The following AGAP1 variants were observed in gnomAD, a reference collection of about 807,000 sequenced individuals.
AGAP1 encodes the protein ArfGAP with GTPase domain, ankyrin repeat and PH domain 1.
A neutral mutation model predicts 105.3 loss-of-function variants in AGAP1; 29 were observed. That is an observed-to-expected ratio of 0.28 (90% CI 0.21 to 0.38). The LOEUF (loss-of-function observed/expected upper bound fraction) is 0.38, where lower values mean the gene tolerates loss of function less well. Ranked by LOEUF, AGAP1 falls within the 10% of genes least tolerant of loss-of-function variation. The pLI is 1.00. For missense variants in AGAP1, 998 were observed against 1,165.1 expected (o/e 0.86, Z 2.09); for synonymous variants, 509 against 485.9 (o/e 1.05, Z -0.63).
chr2:235,711,177 G>A (rs569592618), intron 2 of AGAP1, among the ~76,000 whole-genome samples: 1 of 152,366 alleles, frequency 6.6e-6, no homozygotes, highest in African/African-American at 2.4e-5. Flanking sequence ...TTGAGTGATT[G>A]AAACGTGGCC....
Position 236,098,620 on chromosome 2 carries a change from C to CTTTTTTTT in AGAP1, c.2115-21560_2115-21553dup, listed in dbSNP as rs34419216. On this transcript the variant is annotated intron_variant, in intron 16 of 17. Transcript: ENST00000304032. Reference sequence around the variant, plus strand: ...GCTGACTTGATGAAATCTTTTTTTCCTTTTTTTTTTTTTTTTTTTAGAGAA... The same window carrying CTTTTTTTT: ...GCTGACTTGATGAAATCTTTTTTTCCTTTTTTTTTTTTTTTTTTTTTTTTTTTAGAGAA... 2.5e-3 allele frequency among the ~76,000 whole-genome samples: 288 copies of CTTTTTTTT among 115,214 alleles called. 20 individuals are homozygous for CTTTTTTTT. The highest frequency in any genetic ancestry group is 0.01 in the African/African-American group (259 of 25,770). The allele number at this position is 115,214 out of a possible 152,430, so 75.6% of individuals were successfully genotyped here.
At chr2:236,029,387 T>G (rs1334863074) in intron 13 of AGAP1, among the ~76,000 whole-genome samples, 1 of 151,642 alleles carries the variant, frequency 6.6e-6, no homozygotes, top group Non-Finnish European at 1.5e-5. Flanking sequence ...GTGATTCTCC[T>G]GCCTCAGCCT....
At chr2:235,861,293 G>A (rs2048919043) in intron 9 of AGAP1, among the ~76,000 whole-genome samples, 2 of 152,154 alleles carry the variant, frequency 1.3e-5, no homozygotes, top group Non-Finnish European at 1.5e-5. Context: ...TGGCACTTGG[G>A]AACTTGGGAG....
chr2:236,030,202 G>A (rs1401692147), intron 13 of AGAP1, among the ~76,000 whole-genome samples: 1 of 152,120 alleles, frequency 6.6e-6, no homozygotes, highest in African/African-American at 2.4e-5. Context: ...CTCTAGAGAC[G>A]GGGTCTCACC....
intron 11 of AGAP1, among the ~76,000 whole-genome samples, chr2:235,926,305 G>A (rs760230160): frequency 1.3e-5 from 2 of 152,172 alleles, no homozygotes; most frequent in African/African-American, 2.4e-5. Flanking sequence ...TTTCTTTGAC[G>A]GGTGGATTTA....
rs1422858183 is a variant in AGAP1 at position 235,919,716 on chromosome 2, A to G, written c.1324+10810A>G. On this transcript the variant is annotated intron_variant, in intron 11 of 17. Transcript: ENST00000304032. The surrounding 1 kb of genome is among the most constrained non-coding windows in gnomAD (Gnocchi z 4.1). ...AATGAATTTCATGTTAAAAACACAC[A>G]CACACACACCTGTTGCATTTATCAT... is the stretch of plus-strand genomic sequence containing the variant. Among the ~76,000 whole-genome samples, 1 of 152,230 alleles carries G rather than the reference A, an allele frequency of 6.6e-6. No individual in the cohort carries two copies. Among genetic ancestry groups the G allele is most frequent in the Non-Finnish European group, 1.5e-5 (1 of 68,036 alleles).
At chr2:235,502,700 CTTTTT>C (rs5839594) in intron 1 of AGAP1, among the ~76,000 whole-genome samples, 2 of 110,994 alleles carry the variant, frequency 1.8e-5, no homozygotes, top group Admixed American at 9.7e-5. Context: ...TTTTATTTGC[CTTTTT>C]TTTTTTTTTT....
In AGAP1 at chr2:235,734,134, A is replaced by T. The variant is rs1952104249; in HGVS notation, c.311-6829A>T. On this transcript the variant is annotated intron_variant, in intron 3 of 17. Coordinates refer to ENST00000304032, the MANE Select transcript of AGAP1 (RefSeq NM_001037131.3). This position sits in a 1 kb window ranked among gnomAD's most constrained non-coding sequence, Gnocchi z 5.3. ...GCTGATTGTCCTTTTCAAGGTATCC[A>T]TCTCATCCCACTTGTTAAAAATAAT... Among the ~76,000 whole-genome samples, 1 of 152,250 alleles carries T rather than the reference A, an allele frequency of 6.6e-6. No homozygotes were observed. The highest frequency in any genetic ancestry group is 6.5e-5 in the Admixed American group (1 of 15,282).
chr2:235,917,706 A>G (rs1444237812), intron 11 of AGAP1, among the ~76,000 whole-genome samples: 1 of 152,194 alleles, frequency 6.6e-6, no homozygotes, highest in Non-Finnish European at 1.5e-5. Context: ...AATGAGGCCT[A>G]AGAGTGCATT....
Position 235,539,330 on chromosome 2 carries a change from C to T in AGAP1, c.163+44481C>T, listed in dbSNP as rs141588602. Among the ~76,000 whole-genome samples, 1,221 of 152,242 alleles carry T rather than the reference C, an allele frequency of 8.0e-3. 14 individuals carry two copies. The highest frequency in any genetic ancestry group is 0.011 in the Non-Finnish European group (755 of 68,024). ...TGGCAACAGTGCTTTGCTGTCTTGACGCATCTCAGGTAGAGGATCTCTTAG... is the reference window on the plus strand; with the variant it reads ...TGGCAACAGTGCTTTGCTGTCTTGATGCATCTCAGGTAGAGGATCTCTTAG... On this transcript the variant is annotated intron_variant, in intron 1 of 17. Transcript: ENST00000304032.
In AGAP1 at chr2:235,569,310, ATC is replaced by A. The variant is rs1944444803; in HGVS notation, c.163+74464_163+74465del. Among the ~76,000 whole-genome samples the A allele has an allele frequency of 1.3e-5, 2 of 152,120 alleles. No individual in the cohort carries two copies. The highest frequency in any genetic ancestry group is 4.8e-5 in the African/African-American group (2 of 41,426). On this transcript the variant is annotated intron_variant, in intron 1 of 17. Coordinates refer to ENST00000304032, the MANE Select transcript of AGAP1 (RefSeq NM_001037131.3). This position sits in a 1 kb window ranked among gnomAD's most constrained non-coding sequence, Gnocchi z 5.9. ...AGCCTGGGCGACAGAGCGAGACACC[ATC>A]TCAAAAAAAAGGATCTTGGAGGAAG...
In AGAP1 at chr2:235,890,900, C is replaced by T. The variant is rs558079890; in HGVS notation, c.1155+7451C>T. ...GTTGGATTTCTAAGGAAAACGCTGT[C>T]CTGAAGTTGAAGCTACTGGGTGTAA... is the stretch of plus-strand genomic sequence containing the variant. On this transcript the variant is annotated intron_variant, in intron 10 of 17. Coordinates refer to ENST00000304032, the MANE Select transcript of AGAP1 (RefSeq NM_001037131.3). Among the ~76,000 whole-genome samples the T allele has an allele frequency of 8.1e-5, 12 of 147,904 alleles. No homozygotes were observed. The South Asian group carries it at 2.2e-3, about 27-fold the overall frequency.
rs572735537 is a variant in AGAP1, at chr2:235,756,010, T to C, written c.673+5522T>C. On this transcript the variant is annotated intron_variant, in intron 6 of 17. Coordinates refer to ENST00000304032, the MANE Select transcript of AGAP1 (RefSeq NM_001037131.3). Reference sequence around the variant, plus strand: ...ATGTTCAAGGTGGTAGCAAGCTGTGTATAGGTAGCAACAGGGCCCCTTTGA... The same window carrying C: ...ATGTTCAAGGTGGTAGCAAGCTGTGCATAGGTAGCAACAGGGCCCCTTTGA... 1.3e-4 allele frequency among the ~76,000 whole-genome samples: 20 copies of C among 152,324 alleles called. 1 individual carries two copies. The highest frequency in any genetic ancestry group is 6.8e-3 in the Middle Eastern group (2 of 294).
At chr2:236,017,014 C>CG (rs2056727711) in intron 13 of AGAP1, among the ~76,000 whole-genome samples, 1 of 152,016 alleles carries the variant, frequency 6.6e-6, no homozygotes, top group Admixed American at 6.5e-5. Flanking sequence ...TCAGGCCAGA[C>CG]GCAGTGGCTC....
chr2:235,577,821 C>T lies in AGAP1; in HGVS notation c.163+82972C>T, dbSNP rs564926064. On this transcript the variant is annotated intron_variant, in intron 1 of 17. Transcript: ENST00000304032. The surrounding 1 kb of genome is among the most constrained non-coding windows in gnomAD (Gnocchi z 4.5). ...TCCTGAAATGTAATCCCTCCTTCAG[C>T]GCTGCACAAAAGGCCCATGTCTGCT... 1.7e-3 allele frequency among the ~76,000 whole-genome samples: 257 copies of T among 152,152 alleles called. 2 individuals carry two copies. In the Middle Eastern group the frequency reaches 0.02, roughly 12 times the overall value.
chr2:235,806,534 C>G (rs558623391), intron 8 of AGAP1, among the ~76,000 whole-genome samples: 3 of 152,292 alleles, frequency 2.0e-5, no homozygotes, highest in South Asian at 2.1e-4. Flanking sequence ...GTGGCAGCCA[C>G]TCGTCGTCCG....
At chr2:235,703,972 C>A (rs947343939) in intron 1 of AGAP1, among the ~76,000 whole-genome samples, 8 of 152,276 alleles carry the variant, frequency 5.3e-5, no homozygotes, top group South Asian at 2.1e-4. Context: ...ACCTCGCGCC[C>A]GACCAGAAAT....
chr2:235,587,502 A>T (rs944818098), intron 1 of AGAP1, among the ~76,000 whole-genome samples: 6 of 152,162 alleles, frequency 3.9e-5, no homozygotes, highest in African/African-American at 1.4e-4. Flanking sequence ...CTGTAATTCC[A>T]GAACTTTGGG....
chr2:235,776,856 A>C, intron 6 of AGAP1: 1 of 467,660 alleles, frequency 2.1e-6, no homozygotes. Flanking sequence ...CCTTTTCCAA[A>C]ATCTCGAGGC....
Sources: gnomAD v4.1 joint callset for allele counts (sites outside exome capture counted in the v4.1 genomes callset) on GRCh38, gnomAD v4.1.1 for gene constraint, Gnocchi (gnomAD v3.1) non-coding constraint, MANE v1.5 for transcripts, NCBI Gene and HGNC (gene_info 2026-07-23, HGNC 2026-07-21) for gene names.